Variants in PITRM1 observed in about 807,000 individuals in gnomAD.
PITRM1 encodes the protein pitrilysin metallopeptidase 1, also known as presequence protease, mitochondrial.
Under a neutral mutation model 129.9 loss-of-function variants are expected in PITRM1, and 100 were observed. The observed-to-expected ratio is 0.77, with a 90% confidence interval of 0.65 to 0.91. PITRM1 has a LOEUF of 0.91. Ranked by LOEUF, PITRM1 falls within the 40% of genes least tolerant of loss-of-function variation. The pLI is 0.00. For synonymous variants in PITRM1, 591 were observed against 508.8 expected, an observed-to-expected ratio of 1.16 and a Z score of -2.17; for missense variants, 1,471 against 1,318.3, an observed-to-expected ratio of 1.12 and a Z score of -1.79.
In PITRM1 at chr10:3,166,964, C is replaced by G; in HGVS notation, c.238G>C (p.Ala80Pro). Reference sequence around the variant, plus strand: ...AACAGATTATTCGTGTCTTCTCTGGCCAGGTGTAAATACCTGGCTCCTGTG... The same window carrying G: ...AACAGATTATTCGTGTCTTCTCTGGGCAGGTGTAAATACCTGGCTCCTGTG... Reference protein sequence around the residue: ...DDTGARYLHLAREDTNNLFSV... With the variant: ...DDTGARYLHLPREDTNNLFSV... Residue 80 changes from alanine to proline, a missense_variant, in exon 3 of 27, where the codon GCC becomes CCC. By Grantham distance (27) the Ala-to-Pro change is conservative. Coordinates refer to ENST00000224949, the MANE Select transcript of PITRM1 (RefSeq NM_014889.4). 1 of 1,609,202 alleles carries G rather than the reference C, an allele frequency of 6.2e-7. No homozygotes were observed.
In PITRM1 at chr10:3,163,829, G is replaced by A; in HGVS notation, c.687C>T (p.His229=). The change falls in exon 7 of 27, where the codon CAC becomes CAT. Residue 229 remains histidine (H), a synonymous_variant. Transcript: ENST00000224949. ...CACCCCCGGAGACCACTGAGTACGT[G>A]TGGTCAGGAAGAAGTCTGTTCTGAA... ...QHLQNRLLPD[H]TYSVVSGGDP... 3 of 1,612,894 alleles carry A rather than the reference G, an allele frequency of 1.9e-6. No individual in the cohort carries two copies. The highest frequency in any genetic ancestry group is 2.5e-6 in the Non-Finnish European group (3 of 1,179,150).
chr10:3,147,358 G>C lies in PITRM1; in HGVS notation c.2236-108C>G, dbSNP rs1840995251. ...AACCCTGCTTGGGCAGGGGTTATGT[G>C]TGCGAGTGCACGGCTTGGGCAGGGC... On this transcript the variant is annotated intron_variant, in intron 19 of 26. Transcript: ENST00000224949. 4 of 1,002,642 alleles carry C rather than the reference G, an allele frequency of 4.0e-6. No individual in the cohort carries two copies. In the African/African-American group the frequency reaches 6.4e-5, roughly 16 times the overall value. The allele number at this position is 1,002,642 out of a possible 1,614,324, so 62.1% of individuals were successfully genotyped here.
At position 3,171,146 on chromosome 10, in the gene PITRM1, T is replaced by TAAAAAAAAAAAAAAAAAAAAA. The variant is rs1588736135; in HGVS notation, c.57-941_57-940insTTTTTTTTTTTTTTTTTTTTT. Reference sequence around the variant, plus strand: ...GATAAAGTGCGGACTAATCGTTCAATTAAAAAAAAAAAAAAAAAAAAAAAA... The same window carrying TAAAAAAAAAAAAAAAAAAAAA: ...GATAAAGTGCGGACTAATCGTTCAATAAAAAAAAAAAAAAAAAAAAATAAAAAAAAAAAAAAAAAAAAAAAA... On this transcript the variant is annotated intron_variant, in intron 1 of 26. Transcript: ENST00000224949. Among the ~76,000 whole-genome samples the TAAAAAAAAAAAAAAAAAAAAA allele has an allele frequency of 2.0e-3, 74 of 36,266 alleles. 30 individuals carry two copies. Among genetic ancestry groups the TAAAAAAAAAAAAAAAAAAAAA allele is most frequent in the Non-Finnish European group, 2.4e-3 (44 of 18,706 alleles). The allele number at this position is 36,266 out of a possible 152,430, so 23.8% of individuals were successfully genotyped here.
intron 24 of PITRM1, among the ~76,000 whole-genome samples, chr10:3,140,041 C>T (rs887545793): frequency 3.3e-5 from 5 of 152,224 alleles, no homozygotes; most frequent in East Asian, 1.9e-4. Context: ...CACGGCAGGG[C>T]TGCAACCTCA....
chr10:3,172,588 G>C, intron 1 of PITRM1, 129 bp downstream of exon 1: 1 of 826,946 alleles, frequency 1.2e-6, no homozygotes, highest in Non-Finnish European at 1.8e-6. Flanking sequence ...CTCGGGGTGC[G>C]GGACGCCCAC....
chr10:3,165,553 G>A (rs1464552316), intron 4 of PITRM1, 26 bp from the exon 5 acceptor site: 3 of 1,273,698 alleles, frequency 2.4e-6, no homozygotes, highest in Non-Finnish European at 2.3e-6. Context: ...AAGTGAAATT[G>A]TAAAATATAA....
At chr10:3,171,146 TTAAAAAAAAAAA>T (rs772400764) in intron 1 of PITRM1, among the ~76,000 whole-genome samples, 75 of 36,266 alleles carry the variant, frequency 2.1e-3, no homozygotes, top group African/African-American at 5.5e-3. Flanking sequence ...AATCGTTCAA[TTAAAAAAAAAAA>T]AAAAAAAAAA....
intron 1 of PITRM1, chr10:3,172,114 G>A (rs1253840142): frequency 4.4e-6 from 2 of 452,398 alleles, no homozygotes; most frequent in Non-Finnish European, 8.9e-6. Flanking sequence ...GAGCGGTAAG[G>A]CCAGGCCGAA....
chr10:3,144,002 G>C (rs1022683355), intron 22 of PITRM1: 1 of 556,580 alleles, frequency 1.8e-6, no homozygotes, highest in Non-Finnish European at 3.2e-6. Context: ...TTGCCCGGGA[G>C]GAGACCACCC....
At chr10:3,171,551 CTG>C (rs1216973750) in intron 1 of PITRM1, among the ~76,000 whole-genome samples, 1 of 152,188 alleles carries the variant, frequency 6.6e-6, no homozygotes, top group African/African-American at 2.4e-5. Flanking sequence ...TCAAGCAATT[CTG>C]TCTCAGCCTC....
At chr10:3,160,512 C>A (rs144212354) in intron 7 of PITRM1, among the ~76,000 whole-genome samples, 182 bp from the exon 8 acceptor site, 66 of 152,312 alleles carry the variant, frequency 4.3e-4, no homozygotes, top group African/African-American at 1.5e-3. Context: ...GACCAAAATT[C>A]ATGTAACTTA....
chr10:3,146,040 AT>A, intron 20 of PITRM1: 1 of 261,966 alleles, frequency 3.8e-6, no homozygotes, highest in Non-Finnish European at 7.4e-6. Flanking sequence ...GAATTACACT[AT>A]CAAAACACTG....
At chr10:3,146,580 G>C (rs756428617) in intron 20 of PITRM1, 1 of 152,408 alleles carries the variant, frequency 6.6e-6, no homozygotes, top group Non-Finnish European at 1.5e-5. Flanking sequence ...AATCTGCCAG[G>C]GATTCTCAGG....
rs147701013 is a variant in PITRM1 at position 3,140,684 on chromosome 10, C to T, written c.2771+3G>A. 16 of 1,597,234 alleles carry T rather than the reference C, an allele frequency of 1.0e-5. No homozygotes were observed. The highest frequency in any genetic ancestry group is 1.7e-4 in the Middle Eastern group (1 of 6,038). On this transcript the variant is annotated splice_donor_region_variant and intron_variant, in intron 24 of 26. Coordinates refer to ENST00000224949, the MANE Select transcript of PITRM1 (RefSeq NM_014889.4). Reference sequence around the variant, plus strand: ...CCAATGTGTGAACTAGAGCAAAACTCACCTGTAAGAGTAAAGGGTGAAAAT... The same window carrying T: ...CCAATGTGTGAACTAGAGCAAAACTTACCTGTAAGAGTAAAGGGTGAAAAT...
chr10:3,164,819 T>A (rs900516716), intron 6 of PITRM1, among the ~76,000 whole-genome samples: 13 of 152,216 alleles, frequency 8.5e-5, no homozygotes, highest in Non-Finnish European at 1.9e-4. Flanking sequence ...TGTTGCCTTT[T>A]TTGCAAATCT....
chr10:3,157,157 G>C, intron 12 of PITRM1, 93 bp from the exon 13 acceptor site: 5 of 1,157,844 alleles, frequency 4.3e-6, no homozygotes, highest in Non-Finnish European at 4.8e-6. Flanking sequence ...CCTAGTTTCT[G>C]TATTTAAATA....
At chr10:3,156,693 A>C (rs1842009706) in intron 13 of PITRM1, among the ~76,000 whole-genome samples, 1 of 109,432 alleles carries the variant, frequency 9.1e-6, no homozygotes, top group South Asian at 2.7e-4. Flanking sequence ...GTTCATACAC[A>C]CAAACATACA....
At chr10:3,142,437 G>A (rs1588632541) in intron 23 of PITRM1, among the ~76,000 whole-genome samples, 1 of 152,224 alleles carries the variant, frequency 6.6e-6, no homozygotes, top group African/African-American at 2.4e-5. Context: ...GTCCCTCATG[G>A]GGGTAGCTGC....
chr10:3,171,146 TTAAAAAAAA>T (rs1351288628), intron 1 of PITRM1, among the ~76,000 whole-genome samples: 425 of 36,232 alleles, frequency 0.012, 7 homozygotes, highest in Non-Finnish European at 0.015. Context: ...AATCGTTCAA[TTAAAAAAAA>T]AAAAAAAAAA....
Sources: gnomAD v4.1 joint callset for allele counts (sites outside exome capture counted in the v4.1 genomes callset) on GRCh38, gnomAD v4.1.1 for gene constraint, MANE v1.5 for transcripts, NCBI Gene and HGNC (gene_info 2026-07-23, HGNC 2026-07-21) for gene names.